Variants in TSPAN5 observed in about 807,000 individuals in gnomAD.
TSPAN5 encodes the protein tetraspanin-5.
A neutral mutation model predicts 37.1 loss-of-function variants in TSPAN5; 10 were observed. The ratio of observed to expected loss-of-function variants is 0.27; its 90% CI spans 0.17 to 0.46. TSPAN5 has a LOEUF of 0.46. TSPAN5 is among the 20% of genes least tolerant of loss of function. The pLI is 1.00. For synonymous variants in TSPAN5, 110 were observed against 118.9 expected, an observed-to-expected ratio of 0.93 and a Z score of 0.48; for missense variants, 195 against 326.6, an observed-to-expected ratio of 0.60 and a Z score of 3.11.
At chr4:98,615,619 A>G (rs12507537) in intron 1 of TSPAN5, among the ~76,000 whole-genome samples, 77,461 of 151,992 alleles carry the variant, frequency 0.51, 20,265 homozygotes, top group African/African-American at 0.59. Flanking sequence ...TCAGGAGTTC[A>G]AGACCAGCCT....
chr4:98,570,695 A>T (rs961724865), intron 1 of TSPAN5, among the ~76,000 whole-genome samples: 2 of 152,140 alleles, frequency 1.3e-5, no homozygotes, highest in Non-Finnish European at 2.9e-5. Flanking sequence ...ACAGAGAGAG[A>T]TGGACTCAAG....
intron 1 of TSPAN5, among the ~76,000 whole-genome samples, chr4:98,616,338 A>G (rs1482182486): frequency 6.6e-6 from 1 of 152,152 alleles, no homozygotes; most frequent in Non-Finnish European, 1.5e-5. Flanking sequence ...ATGTTTACAC[A>G]GACCATGCTG....
chr4:98,572,715 C>G, intron 1 of TSPAN5, among the ~76,000 whole-genome samples: 1 of 152,254 alleles, frequency 6.6e-6, no homozygotes, highest in East Asian at 1.9e-4. Flanking sequence ...TTTTAGTGTG[C>G]TCCCCTTTTA....
intron 1 of TSPAN5, among the ~76,000 whole-genome samples, chr4:98,619,551 T>G (rs901884335): frequency 6.6e-6 from 1 of 152,218 alleles, no homozygotes; most frequent in African/African-American, 2.4e-5. Flanking sequence ...TGCCAGCTAC[T>G]GTGCTAGCTG....
chr4:98,482,337 C>T lies in TSPAN5; in HGVS notation c.280-162G>A, dbSNP rs1453454149. ...CTGCTGATTCATTAATAGAATATTA[C>T]ACTCCAAGAAAGGACTTTTAAAAAT... On this transcript the variant is annotated intron_variant, in intron 3 of 7. Transcript: ENST00000305798. 5.0e-6 allele frequency: 3 copies of T among 600,412 alleles called. No individual in the cohort carries two copies. In the East Asian group the frequency reaches 9.0e-5, roughly 18 times the overall value. The allele number at this position is 600,412 out of a possible 1,614,324, so 37.2% of individuals were successfully genotyped here.
intron 1 of TSPAN5, among the ~76,000 whole-genome samples, chr4:98,526,793 A>G (rs902009132): frequency 2.6e-5 from 4 of 152,176 alleles, no homozygotes; most frequent in African/African-American, 9.7e-5. Context: ...CTTGCTTGAT[A>G]TCACAGTTTA....
chr4:98,551,487 C>CTTTTTT (rs1754613883), intron 1 of TSPAN5, among the ~76,000 whole-genome samples: 1 of 85,216 alleles, frequency 1.2e-5, no homozygotes, highest in Non-Finnish European at 2.0e-5. Flanking sequence ...TTTCCTTTTT[C>CTTTTTT]TTTTCTTTTT....
rs1332024718 is a variant in TSPAN5 at position 98,522,821 on chromosome 4, C to G, written c.82-15093G>C. ...AAAACAAAAGGGCAGCCTGACGACA[C>G]CATTTAGTTATTTATTCTGTATGTT... is the stretch of plus-strand genomic sequence containing the variant. On this transcript the variant is annotated intron_variant, in intron 1 of 7. Coordinates refer to ENST00000305798, the MANE Select transcript of TSPAN5 (RefSeq NM_005723.4). Among the ~76,000 whole-genome samples, 3 of 152,290 alleles carry G rather than the reference C, an allele frequency of 2.0e-5. No homozygotes were observed. In the East Asian group the frequency reaches 5.8e-4, roughly 29 times the overall value.
chr4:98,575,026 A>G (rs114282121), intron 1 of TSPAN5: 191 of 88,424 alleles, frequency 2.2e-3, no homozygotes, highest in Admixed American at 0.01. Flanking sequence ...AGAGGTGCAG[A>G]CAAGGGCCAG....
intron 2 of TSPAN5, among the ~76,000 whole-genome samples, chr4:98,488,217 G>T (rs1383438270): frequency 6.6e-6 from 1 of 152,078 alleles, no homozygotes; most frequent in East Asian, 1.9e-4. Context: ...TACCAAGCAG[G>T]GGCCACACAC....
At chr4:98,514,855 A>G (rs1417805205) in intron 1 of TSPAN5, among the ~76,000 whole-genome samples, 2 of 152,170 alleles carry the variant, frequency 1.3e-5, no homozygotes, top group African/African-American at 2.4e-5. Context: ...TTCTAGTTGA[A>G]GTGTGCAGGA....
chr4:98,482,565 T>C (rs903205305), intron 3 of TSPAN5: 1 of 163,256 alleles, frequency 6.1e-6, no homozygotes, highest in Non-Finnish European at 1.3e-5. Flanking sequence ...GAAAGATAGA[T>C]TATTCCAATA....
intron 2 of TSPAN5, among the ~76,000 whole-genome samples, chr4:98,487,238 G>GAAAAAAAAAAAAAA (rs11318498): frequency 7.7e-6 from 1 of 130,406 alleles, no homozygotes; most frequent in African/African-American, 2.9e-5. Context: ...TATATGTAGA[G>GAAAAAAAAAAAAAA]AAAAAAAAAA....
intron 1 of TSPAN5, among the ~76,000 whole-genome samples, chr4:98,631,065 T>G (rs746697019): frequency 6.6e-6 from 1 of 152,158 alleles, no homozygotes; most frequent in Non-Finnish European, 1.5e-5. Context: ...TTGAAAAAAA[T>G]CATGTAATTC....
At chr4:98,597,655 A>G (rs1755775311) in intron 1 of TSPAN5, among the ~76,000 whole-genome samples, 3 of 40,046 alleles carry the variant, frequency 7.5e-5, no homozygotes, top group Non-Finnish European at 1.2e-4. Context: ...TCCTTCTAAC[A>G]GACAGGACCC....
At chr4:98,547,152 C>G (rs1560532066) in intron 1 of TSPAN5, among the ~76,000 whole-genome samples, 2 of 152,190 alleles carry the variant, frequency 1.3e-5, no homozygotes, top group African/African-American at 2.4e-5. Flanking sequence ...CAGCGTCAGG[C>G]GGCCCCAGGA....
chr4:98,507,337 T>G (rs555613578), intron 2 of TSPAN5, among the ~76,000 whole-genome samples: 43 of 152,260 alleles, frequency 2.8e-4, no homozygotes, highest in African/African-American at 1.0e-3. Flanking sequence ...AGGCTACAGG[T>G]GGTTTAGTGA....
intron 1 of TSPAN5, among the ~76,000 whole-genome samples, chr4:98,657,164 G>A (rs576152236): frequency 6.6e-6 from 1 of 152,204 alleles, no homozygotes; most frequent in East Asian, 1.9e-4. Flanking sequence ...AGAACTCTTT[G>A]TCTGGCTGCT....
At chr4:98,592,659 T>A (rs1004268709) in intron 1 of TSPAN5, among the ~76,000 whole-genome samples, 4 of 144,930 alleles carry the variant, frequency 2.8e-5, no homozygotes, top group African/African-American at 1.0e-4. Context: ...ATTGTTCAAT[T>A]CCCACCTATG....
Sources: gnomAD v4.1 joint callset for allele counts (sites outside exome capture counted in the v4.1 genomes callset) on GRCh38, gnomAD v4.1.1 for gene constraint, MANE v1.5 for transcripts, NCBI Gene and HGNC (gene_info 2026-07-23, HGNC 2026-07-21) for gene names.